The following ACAD10 variants were observed in gnomAD, a reference collection of about 807,000 sequenced individuals.
ACAD10 encodes the protein ACAD-10.
Under a neutral mutation model 116.8 loss-of-function variants are expected in ACAD10, and 112 were observed. That is an observed-to-expected ratio of 0.96 (90% confidence interval 0.82 to 1.12). The LOEUF is 1.12. Ranked by LOEUF, ACAD10 falls within the 50% of genes most tolerant of loss-of-function variation. The pLI, the probability that ACAD10 is intolerant of heterozygous loss-of-function variation, is 0.00. For missense variants in ACAD10, 1,259 were observed against 1,350.2 expected, an observed-to-expected ratio of 0.93 and a Z score of 1.06; for synonymous variants, 486 against 510.6, an observed-to-expected ratio of 0.95 and a Z score of 0.65.
chr12:111,737,841 GGTGTGT>G (rs150399090), intron 12 of ACAD10, among the ~76,000 whole-genome samples: 1 of 146,392 alleles, frequency 6.8e-6, no homozygotes, highest in African/African-American at 2.5e-5. Context: ...CAAATTTCTT[GGTGTGT>G]GTGTGTGTGT....
intron 9 of ACAD10, 26 bp downstream of exon 9, chr12:111,728,169 G>A (rs1292949185): frequency 5.1e-6 from 8 of 1,567,180 alleles, no homozygotes; most frequent in Non-Finnish European, 6.9e-6. Context: ...CGTCTCCCAT[G>A]CTGGTTGTTT....
At chr12:111,695,306 G>C (rs1373176454) in intron 2 of ACAD10, among the ~76,000 whole-genome samples, 1 of 152,108 alleles carries the variant, frequency 6.6e-6, no homozygotes, top group Non-Finnish European at 1.5e-5. Flanking sequence ...AAATTTAAGG[G>C]GATATTATTC....
At chr12:111,755,573 T>G in intron 19 of ACAD10, 95 bp from the exon 20 acceptor site, 1 of 851,728 alleles carries the variant, frequency 1.2e-6, no homozygotes, top group South Asian at 1.5e-5. Flanking sequence ...CTGCTAGTTT[T>G]TGTATTTTTA....
Position 111,694,791 on chromosome 12 carries a change from C to T in ACAD10, c.187+1895C>T, listed in dbSNP as rs552209135. On this transcript the variant is annotated intron_variant, in intron 2 of 20. Transcript: ENST00000313698. ...CTGTAATCTCAGCAATTTAGGAGGCCGAGGTGGGCAGATCGCTTGAGCACA... is the reference window on the plus strand; with the variant it reads ...CTGTAATCTCAGCAATTTAGGAGGCTGAGGTGGGCAGATCGCTTGAGCACA... Among the ~76,000 whole-genome samples the T allele has an allele frequency of 7.2e-5, 11 of 152,230 alleles. No individual in the cohort carries two copies. In the South Asian group the frequency reaches 1.5e-3, roughly 20 times the overall value.
intron 1 of ACAD10, among the ~76,000 whole-genome samples, chr12:111,690,712 G>A (rs906760602): frequency 6.6e-6 from 1 of 150,664 alleles, no homozygotes; most frequent in Non-Finnish European, 1.5e-5. Flanking sequence ...TTGAACCTGG[G>A]AGGCAGAGGT....
chr12:111,736,995 T>A lies in ACAD10; in HGVS notation c.1705T>A (p.Ser569Thr), dbSNP rs774885089. The A allele has an allele frequency of 2.5e-5, 40 of 1,613,510 alleles. No homozygotes were observed. In the East Asian group the frequency reaches 8.5e-4, roughly 34 times the overall value. ...AATCCTACAGGGAGTCTACAAGCGA[T>A]CACTCACAGGTAATGGGATGGCTGC... The part of the protein sequence containing the change: ...AAILQGVYKR[S>T]LTGQASSTYA... Residue 569 changes from serine to threonine, a missense_variant, in exon 12 of 21, where the codon TCA becomes ACA. Ser to Thr is a moderately conservative substitution (Grantham distance 58). Transcript: ENST00000313698.
chr12:111,734,496 T>C (rs1261237296), intron 11 of ACAD10, among the ~76,000 whole-genome samples: 2 of 152,084 alleles, frequency 1.3e-5, no homozygotes, highest in Non-Finnish European at 2.9e-5. Flanking sequence ...TGGTGGCGTG[T>C]GCCTGTAACC....
At position 111,748,447 on chromosome 12, in the gene ACAD10, G is replaced by T; in HGVS notation, c.2616G>T (p.Leu872=). ...CAGGGATAAAAATCATCCGGCCTCT[G>T]ACGGTGTATGGACTGGAAGATGCAC... is the stretch of plus-strand genomic sequence containing the variant. ...DTPGIKIIRP[L]TVYGLEDAPG... is the part of the protein sequence containing the mutation. The change falls in exon 17 of 21, where the codon CTG becomes CTT. Residue 872 remains leucine, a synonymous_variant. Coordinates refer to ENST00000313698, the MANE Select transcript of ACAD10 (RefSeq NM_025247.6). 6.2e-7 allele frequency: 1 copy of T among 1,613,832 alleles called. No homozygotes were observed. Among genetic ancestry groups the T allele is most frequent in the Non-Finnish European group, 8.5e-7 (1 of 1,180,046 alleles).
intron 10 of ACAD10, among the ~76,000 whole-genome samples, chr12:111,732,491 A>G (rs1889417659): frequency 6.6e-6 from 1 of 152,222 alleles, no homozygotes; most frequent in Admixed American, 6.5e-5. Context: ...GGTAGCAGTA[A>G]ATCTCATTTT....
intron 6 of ACAD10, among the ~76,000 whole-genome samples, chr12:111,715,058 C>A (rs138027829): frequency 6.6e-6 from 1 of 152,052 alleles, no homozygotes; most frequent in African/African-American, 2.4e-5. Context: ...CCACTTGCTC[C>A]GTGAAAAAGG....
At chr12:111,715,753 A>G in intron 6 of ACAD10, 68 bp from the exon 7 acceptor site, 1 of 1,602,606 alleles carries the variant, frequency 6.2e-7, no homozygotes, top group South Asian at 1.1e-5. Flanking sequence ...CTCATTAGAA[A>G]GAAAGAATGT....
At chr12:111,713,265 C>T (rs1203024661) in intron 6 of ACAD10, among the ~76,000 whole-genome samples, 2 of 149,644 alleles carry the variant, frequency 1.3e-5, no homozygotes, top group South Asian at 2.1e-4. Flanking sequence ...CAGCCGAGAT[C>T]GTGCTACTGC....
chr12:111,701,954 T>C (rs1888360134), intron 2 of ACAD10, among the ~76,000 whole-genome samples: 1 of 152,200 alleles, frequency 6.6e-6, no homozygotes, highest in African/African-American at 2.4e-5. Flanking sequence ...TTCACAGCAG[T>C]GTGCTCTCTG....
rs930166588 is a variant in ACAD10, at chr12:111,756,972, C to A, written c.*499C>A. The A allele has an allele frequency of 2.3e-6, 1 of 438,886 alleles. No homozygotes were observed. Among genetic ancestry groups the A allele is most frequent in the Non-Finnish European group, 4.6e-6 (1 of 216,994 alleles). The allele number at this position is 438,886 out of a possible 1,614,324, so 27.2% of individuals were successfully genotyped here. ...GGGCGCCTGGGAAAATGGAATGCAA[C>A]CCACATTGTAAAGCCACTGGCATCT... On this transcript the variant is annotated 3_prime_UTR_variant, in exon 21 of 21. Coordinates refer to ENST00000313698, the MANE Select transcript of ACAD10 (RefSeq NM_025247.6).
chr12:111,740,176 A>G lies in ACAD10; in HGVS notation c.1714+3172A>G, dbSNP rs149257757. ...TCCTGTGTGTCTTTGAAATTTTCCA[A>G]AAGGAGGCCAGTCATGATGGCTCAC... On this transcript the variant is annotated intron_variant, in intron 12 of 20. Transcript: ENST00000313698. Among the ~76,000 whole-genome samples, 50 of 152,202 alleles carry G rather than the reference A, an allele frequency of 3.3e-4. 1 individual carries two copies. Among genetic ancestry groups the G allele is most frequent in the African/African-American group, 1.2e-3 (48 of 41,542 alleles).
At chr12:111,721,609 A>G in intron 7 of ACAD10, 62 bp from the exon 8 acceptor site, 6 of 1,412,086 alleles carry the variant, frequency 4.2e-6, no homozygotes, top group Non-Finnish European at 5.9e-6. Context: ...AAAGAAAAGT[A>G]ACTTCAAGAA....
intron 8 of ACAD10, among the ~76,000 whole-genome samples, chr12:111,723,133 C>T (rs1305410791): frequency 4.2e-5 from 6 of 141,306 alleles, no homozygotes; most frequent in African/African-American, 8.0e-5. Flanking sequence ...GGCGGCTAGC[C>T]GGGCGGGGGG....
At chr12:111,731,041 T>A (rs906275105) in intron 10 of ACAD10, among the ~76,000 whole-genome samples, 9 of 152,266 alleles carry the variant, frequency 5.9e-5, no homozygotes, top group African/African-American at 2.2e-4. Context: ...TCTGCCCACT[T>A]TGGCCTCCCA....
At chr12:111,722,728 A>G (rs1200705047) in intron 8 of ACAD10, among the ~76,000 whole-genome samples, 1 of 152,236 alleles carries the variant, frequency 6.6e-6, no homozygotes, top group Non-Finnish European at 1.5e-5. Flanking sequence ...ACAGGATCCC[A>G]AGGCAGAAGA....
Sources: allele counts gnomAD v4.1 joint callset (sites outside exome capture counted in the v4.1 genomes callset), GRCh38; gene constraint gnomAD v4.1.1; transcripts MANE v1.5; gene names NCBI Gene and HGNC (gene_info 2026-07-23, HGNC 2026-07-21).